Variants in ZNF214 observed in about 807,000 individuals in gnomAD.
ZNF214 encodes zinc finger protein 214, also known as BWSCR2-associated zinc finger protein 1.
A neutral mutation model predicts 53.9 loss-of-function variants in ZNF214; 43 were observed. The ratio of observed to expected loss-of-function variants is 0.80; its 90% confidence interval spans 0.63 to 1.03. The LOEUF is 1.03. ZNF214 is among the 50% of genes least tolerant of loss of function. The pLI, the probability that ZNF214 is intolerant of heterozygous loss-of-function variation, is 0.00. For missense variants in ZNF214, 724 were observed against 719.1 expected, an observed-to-expected ratio of 1.01 and a Z score of -0.08; for synonymous variants, 217 against 229.5, an observed-to-expected ratio of 0.95 and a Z score of 0.49.
At chr11:7,004,003 G>A (rs1409155944) in intron 1 of ZNF214, among the ~76,000 whole-genome samples, 3 of 151,666 alleles carry the variant, frequency 2.0e-5, no homozygotes, top group African/African-American at 4.8e-5. Flanking sequence ...ACTGAAAACT[G>A]TGAAAGTTGG....
Position 7,016,521 on chromosome 11 carries a change from T to C in ZNF214, c.-21+3552A>G, listed in dbSNP as rs189995541. Among the ~76,000 whole-genome samples, 349 of 152,310 alleles carry C rather than the reference T, an allele frequency of 2.3e-3. 1 individual carries two copies. The highest frequency in any genetic ancestry group is 3.7e-3 in the East Asian group (19 of 5,188). ...TTATCTTCACTGAGTGAAAAAGAAA[T>C]GCTACATTCTTCTTCATTGCGTATT... On this transcript the variant is annotated intron_variant, in intron 1 of 2. Transcript: ENST00000278314.
chr11:7,009,822 C>G (rs1045008313), intron 1 of ZNF214, among the ~76,000 whole-genome samples: 1 of 152,190 alleles, frequency 6.6e-6, no homozygotes, highest in East Asian at 1.9e-4. Context: ...AAAAAATGCT[C>G]AACATCACTA....
At chr11:7,012,615 T>C (rs1042105199) in intron 1 of ZNF214, among the ~76,000 whole-genome samples, 1 of 152,018 alleles carries the variant, frequency 6.6e-6, no homozygotes, top group Non-Finnish European at 1.5e-5. Context: ...ATTAGGGAAA[T>C]AGCAACTACA....
At chr11:7,005,314 A>C (rs1851449195) in intron 1 of ZNF214, among the ~76,000 whole-genome samples, 1 of 152,178 alleles carries the variant, frequency 6.6e-6, no homozygotes, top group East Asian at 1.9e-4. Flanking sequence ...TAAAAGCAAG[A>C]CATCTATATT....
intron 1 of ZNF214, among the ~76,000 whole-genome samples, chr11:7,019,511 T>G (rs1419504951): frequency 6.6e-6 from 1 of 152,176 alleles, no homozygotes; most frequent in Non-Finnish European, 1.5e-5. Flanking sequence ...CCTCCCCTAC[T>G]TGCTAAACAG....
chr11:7,001,508 A>T lies in ZNF214; in HGVS notation c.175T>A (p.Leu59Ile). Residue 59 changes from leucine (L) to isoleucine (I), a missense_variant, in exon 3 of 3, where the codon TTA (leucine) becomes ATA (isoleucine). By Grantham distance (5) the Leu-to-Ile change is conservative. Transcript: ENST00000278314. ...CAGTAGGAAAAATTTTCATATTCTA[A>T]GTATCTGAATTTTTCTTCTTGGGAT... ...YKSQEEKFRY[L>I]EYENFSYWQG... 1 of 1,610,404 alleles carries T rather than the reference A, an allele frequency of 6.2e-7. No individual in the cohort carries two copies. Among genetic ancestry groups the T allele is most frequent in the Non-Finnish European group, 8.5e-7 (1 of 1,178,148 alleles).
At chr11:7,003,599 G>T (rs1167180568) in intron 1 of ZNF214, among the ~76,000 whole-genome samples, 2 of 151,932 alleles carry the variant, frequency 1.3e-5, no homozygotes, top group African/African-American at 2.4e-5. Context: ...CATCATAGAG[G>T]TTTTTAAACC....
At chr11:7,005,625 T>C (rs1851455279) in intron 1 of ZNF214, among the ~76,000 whole-genome samples, 1 of 152,098 alleles carries the variant, frequency 6.6e-6, no homozygotes, top group Non-Finnish European at 1.5e-5. Flanking sequence ...TACCTGCCTA[T>C]ATACTTCCTA....
chr11:7,009,202 C>G (rs1254885881), intron 1 of ZNF214, among the ~76,000 whole-genome samples: 1 of 151,950 alleles, frequency 6.6e-6, no homozygotes, highest in Non-Finnish European at 1.5e-5. Flanking sequence ...GTAACCAAAA[C>G]AGCAGGGTAC....
chr11:7,000,972 G>C lies in ZNF214; in HGVS notation c.711C>G (p.His237Gln). 6.2e-7 allele frequency: 1 copy of C among 1,612,930 alleles called. No individual in the cohort carries two copies. The highest frequency in any genetic ancestry group is 8.5e-7 in the Non-Finnish European group (1 of 1,179,532). Residue 237 changes from histidine to glutamine, a missense_variant, in exon 3 of 3, where the codon CAC (histidine) becomes CAG (glutamine). Physicochemically the swap from His to Gln is conservative, Grantham distance 24. Transcript: ENST00000278314. ...GGTTTTCTCCAGGTTGATTTCTCTTGTGGAAAACACACCGTGAGTTCCAAT... is the reference window on the plus strand; with the variant it reads ...GGTTTTCTCCAGGTTGATTTCTCTTCTGGAAAACACACCGTGAGTTCCAAT... ...IYYWNSRCVF[H>Q]KRNQPGENLC...
intron 1 of ZNF214, among the ~76,000 whole-genome samples, chr11:7,012,353 C>T (rs1288886660): frequency 6.6e-6 from 1 of 151,954 alleles, no homozygotes; most frequent in Non-Finnish European, 1.5e-5. Flanking sequence ...TGGATTCCAA[C>T]TTAATACCAT....
At chr11:7,003,349 C>A (rs1851399206) in intron 1 of ZNF214, among the ~76,000 whole-genome samples, 1 of 151,746 alleles carries the variant, frequency 6.6e-6, no homozygotes, top group Non-Finnish European at 1.5e-5. Flanking sequence ...ATAAAGGAAA[C>A]AGATACTTTT....
rs1851348491 is a variant in ZNF214 at position 7,001,450 on chromosome 11, T to C, written c.233A>G (p.Tyr78Cys). Residue 78 changes from tyrosine to cysteine, a missense_variant, in exon 3 of 3, where the codon TAT becomes TGT. Coordinates refer to ENST00000278314, the MANE Select transcript of ZNF214 (RefSeq NM_013249.4). Reference sequence around the variant, plus strand: ...AGTTTCCCCATAGTTCTGATTCTCATACATCTGGGCGCCAGCATTCCACCA... The same window carrying C: ...AGTTTCCCCATAGTTCTGATTCTCACACATCTGGGCGCCAGCATTCCACCA... ...QGWWNAGAQM[Y>C]ENQNYGETVQ... The C allele has an allele frequency of 6.2e-7, 1 of 1,613,060 alleles. No homozygotes were observed. Among genetic ancestry groups the C allele is most frequent in the Non-Finnish European group, 8.5e-7 (1 of 1,179,342 alleles).
rs1229658246 is a variant in ZNF214, at chr11:6,998,374, TA to T, written c.*1487del. On this transcript the variant is annotated 3_prime_UTR_variant, in exon 3 of 3. Transcript: ENST00000278314. ...TCTTAATGTCTTTGATCATTGATTCTATGCCAAATGTTCTTTCACCTTCCTT... is the reference window on the plus strand; with the variant it reads ...TCTTAATGTCTTTGATCATTGATTCTTGCCAAATGTTCTTTCACCTTCCTT... 6.6e-6 allele frequency among the ~76,000 whole-genome samples: 1 copy of T among 151,990 alleles called. No homozygotes were observed. Among genetic ancestry groups the T allele is most frequent in the Non-Finnish European group, 1.5e-5 (1 of 67,928 alleles).
At chr11:7,018,636 G>C (rs1033539845) in intron 1 of ZNF214, among the ~76,000 whole-genome samples, 7 of 150,954 alleles carry the variant, frequency 4.6e-5, no homozygotes, top group Non-Finnish European at 1.0e-4. Flanking sequence ...TGAGTAGCTG[G>C]GATTACAGGT....
rs184794901 is a variant in ZNF214 at position 7,002,581 on chromosome 11, G to T, written c.127+128C>A. The T allele has an allele frequency of 1.6e-4, 174 of 1,084,962 alleles. 2 individuals carry two copies. In the Admixed American group the frequency reaches 5.0e-3, roughly 31 times the overall value. The allele number at this position is 1,084,962 out of a possible 1,614,324, so 67.2% of individuals were successfully genotyped here. A position where few individuals can be genotyped will look rare whatever the true frequency, so the allele number is the denominator to read the frequency against. ...TTGCTTTATCTTCTATTTGTAACAT[G>T]ATTTAAGAAACATTTTTGAGAATAT... On this transcript the variant is annotated intron_variant, in intron 2 of 2. Transcript: ENST00000278314.
rs1239046573 is a variant in ZNF214, at chr11:7,000,427, C to T, written c.1256G>A (p.Cys419Tyr). 1.2e-6 allele frequency: 2 copies of T among 1,613,274 alleles called. No individual in the cohort carries two copies. Among genetic ancestry groups the T allele is most frequent in the African/African-American group, 1.3e-5 (1 of 74,864 alleles). Reference protein sequence around the residue: ...TGEKSYKCEDCGKGFTQRSNL... With the variant: ...TGEKSYKCEDYGKGFTQRSNL... ...TGAGCGCTGGGTAAAGCCTTTACCA[C>T]AGTCTTCACATTTATAAGACTTCTC... Residue 419 changes from cysteine (C) to tyrosine (Y), a missense_variant, in exon 3 of 3, where the codon TGT (cysteine) becomes TAT (tyrosine). Coordinates refer to ENST00000278314, the MANE Select transcript of ZNF214 (RefSeq NM_013249.4).
chr11:7,012,404 G>T lies in ZNF214; in HGVS notation c.-21+7669C>A, dbSNP rs1851626697. Reference sequence around the variant, plus strand: ...ATATAGATCAAGTAAGTACTTAAATGTTAAGGGGAAAACTATAAAATTAAT... The same window carrying T: ...ATATAGATCAAGTAAGTACTTAAATTTTAAGGGGAAAACTATAAAATTAAT... On this transcript the variant is annotated intron_variant, in intron 1 of 2. Transcript: ENST00000278314. Among the ~76,000 whole-genome samples the T allele has an allele frequency of 2.6e-5, 4 of 152,108 alleles. No homozygotes were observed. In the South Asian group the frequency reaches 8.3e-4, roughly 32 times the overall value.
At chr11:7,002,004 C>T (rs1851365623) in intron 2 of ZNF214, among the ~76,000 whole-genome samples, 1 of 151,972 alleles carries the variant, frequency 6.6e-6, no homozygotes, top group Non-Finnish European at 1.5e-5. Context: ...ACTACTTTAC[C>T]TACACCTTTG....
Sources: allele counts gnomAD v4.1 joint callset (sites outside exome capture counted in the v4.1 genomes callset), GRCh38; gene constraint gnomAD v4.1.1; transcripts MANE v1.5; gene names NCBI Gene and HGNC (gene_info 2026-07-23, HGNC 2026-07-21).